Variants in ARHGAP23 observed in about 807,000 individuals in gnomAD.
ARHGAP23 encodes Rho GTPase activating protein 23, also known as rho GTPase-activating protein 23.
ARHGAP23 carries 34 observed loss-of-function variants against 136.3 expected under a neutral mutation model. The ratio of observed to expected loss-of-function variants is 0.25; its 90% CI spans 0.19 to 0.33. The LOEUF (loss-of-function observed/expected upper bound fraction) is 0.33, where lower values mean the gene tolerates loss of function less well. ARHGAP23 is among the 10% of genes least tolerant of loss of function. ARHGAP23 has a pLI of 1.00. For missense variants in ARHGAP23, 1,808 were observed against 2,139.0 expected (o/e 0.85, Z 3.05); for synonymous variants, 832 against 920.5 (o/e 0.90, Z 1.74).
chr17:38,463,020 G>GCTCCTGTCCCCACAGTGTTAGC, intron 4 of ARHGAP23, 79 bp downstream of exon 4: 1 of 1,526,908 alleles, frequency 6.5e-7, no homozygotes, highest in East Asian at 2.5e-5. Context: ...TGTTGGGGAG[G>GCTCCTGTCCCCACAGTGTTAGC]CTCCTGTCCC....
At position 38,438,852 on chromosome 17, in the gene ARHGAP23, A is replaced by G. The variant is rs1019542929; in HGVS notation, c.63+10304A>G. On this transcript the variant is annotated intron_variant, in intron 1 of 23. Transcript: ENST00000622683. The stretch of plus-strand genomic sequence containing the variant: ...TACAAAATTAGCTGGGAGTGGTGGC[A>G]CATACCTGTAATCCCAGCTACTCAG... 3.3e-5 allele frequency among the ~76,000 whole-genome samples: 5 copies of G among 151,970 alleles called. No individual in the cohort carries two copies. The East Asian group carries it at 5.8e-4, about 18-fold the overall frequency.
At chr17:38,428,450 G>C, upstream of ARHGAP23, 1 of 1,395,326 alleles carries the variant, frequency 7.2e-7, no homozygotes, top group South Asian at 1.4e-5. Flanking sequence ...GGCGCCCCCA[G>C]CCGTGCCCCG....
chr17:38,491,630 A>G, intron 20 of ARHGAP23, 98 bp downstream of exon 20: 1 of 1,499,134 alleles, frequency 6.7e-7, no homozygotes, highest in South Asian at 1.3e-5. Flanking sequence ...AGTGTGCCCC[A>G]GGAAGGGCTC....
At chr17:38,454,740 C>T (rs541634002) in intron 1 of ARHGAP23, among the ~76,000 whole-genome samples, 10 of 152,226 alleles carry the variant, frequency 6.6e-5, no homozygotes, top group Middle Eastern at 3.4e-3. Context: ...GCGCCATGCC[C>T]GGCCTGAACA....
At chr17:38,498,943 G>C in intron 22 of ARHGAP23, 2 of 699,642 alleles carry the variant, frequency 2.9e-6, no homozygotes, top group South Asian at 3.0e-5. Context: ...GGACCTGTTG[G>C]AGATTTAAAG....
intron 23 of ARHGAP23, among the ~76,000 whole-genome samples, chr17:38,506,812 T>A (rs181542430): frequency 1.5e-3 from 229 of 152,168 alleles, no homozygotes; most frequent in Non-Finnish European, 2.4e-3. Flanking sequence ...CACGATTTAG[T>A]CCATAGCAGT....
In ARHGAP23 at chr17:38,476,791, T is replaced by TTGTGCAA. The variant is rs139414539; in HGVS notation, c.2119-784_2119-778dup. Reference sequence around the variant, plus strand: ...TTGTTGGGGGAGGCTGTCCTGTGCATTGTGCAATGTTTAGCCGCATCCCTC... The same window carrying TTGTGCAA: ...TTGTTGGGGGAGGCTGTCCTGTGCATTGTGCAATGTGCAATGTTTAGCCGCATCCCTC... On this transcript the variant is annotated intron_variant, in intron 11 of 23. Coordinates refer to ENST00000622683, the MANE Select transcript of ARHGAP23 (RefSeq NM_001199417.2). 7.0e-3 allele frequency among the ~76,000 whole-genome samples: 1,062 copies of TTGTGCAA among 152,268 alleles called. 12 individuals are homozygous for TTGTGCAA. The highest frequency in any genetic ancestry group is 0.024 in the African/African-American group (995 of 41,540).
intron 11 of ARHGAP23, among the ~76,000 whole-genome samples, chr17:38,474,206 C>T (rs1020266137): frequency 5.9e-5 from 9 of 152,208 alleles, no homozygotes; most frequent in African/African-American, 2.2e-4. Context: ...CAGGCGTGAG[C>T]CACCGTGCCC....
At chr17:38,489,861 C>T (rs1034765370) in intron 17 of ARHGAP23, 2 of 515,076 alleles carry the variant, frequency 3.9e-6, no homozygotes, top group East Asian at 3.2e-5. Flanking sequence ...GGTATTGCCT[C>T]CCAAATGAAC....
intron 1 of ARHGAP23, 51 bp downstream of exon 1, chr17:38,428,599 C>A: frequency 1.6e-6 from 2 of 1,261,766 alleles, no homozygotes; most frequent in Non-Finnish European, 2.0e-6. Context: ...TGCTGGGGAG[C>A]GGGCTGCCAA....
At chr17:38,456,141 C>T (rs1272683960) in intron 1 of ARHGAP23, among the ~76,000 whole-genome samples, 1 of 152,146 alleles carries the variant, frequency 6.6e-6, no homozygotes, top group East Asian at 1.9e-4. Flanking sequence ...GGCTCTGTCC[C>T]CTGGGGCTGT....
At chr17:38,497,944 C>T (rs1317839311) in intron 21 of ARHGAP23, 118 bp downstream of exon 21, 3 of 1,069,274 alleles carry the variant, frequency 2.8e-6, no homozygotes, top group Non-Finnish European at 4.2e-6. Flanking sequence ...TTGAGGCTTC[C>T]CTCAAGTCTG....
intron 23 of ARHGAP23, among the ~76,000 whole-genome samples, chr17:38,504,417 G>A (rs1250800363): frequency 6.6e-6 from 1 of 152,234 alleles, no homozygotes; most frequent in Non-Finnish European, 1.5e-5. Context: ...TCCTGTCCCG[G>A]CTGTAAGGAA....
intron 1 of ARHGAP23, 153 bp from the exon 2 acceptor site, chr17:38,457,949 G>A: frequency 1.2e-6 from 1 of 810,202 alleles, no homozygotes; most frequent in Non-Finnish European, 1.9e-6. Flanking sequence ...GAAGGGGTGA[G>A]GAGGAGGTCA....
At chr17:38,428,415 G>C (rs1040666483), upstream of ARHGAP23, 8 of 842,014 alleles carry the variant, frequency 9.5e-6, no homozygotes, top group African/African-American at 7.3e-5. Context: ...CCCGCCCCCG[G>C]CCCCGCCCCT....
At chr17:38,447,551 GA>G (rs1265855625) in intron 1 of ARHGAP23, among the ~76,000 whole-genome samples, 3 of 151,970 alleles carry the variant, frequency 2.0e-5, no homozygotes. Context: ...TGTCCTTAGG[GA>G]GCTCTCAGTC....
chr17:38,496,011 C>A (rs1292419840), intron 20 of ARHGAP23, among the ~76,000 whole-genome samples: 1 of 152,134 alleles, frequency 6.6e-6, no homozygotes, highest in African/African-American at 2.4e-5. Flanking sequence ...AATTCCCCCA[C>A]CTCACCCTCC....
At chr17:38,489,305 T>G (rs2040220990) in intron 17 of ARHGAP23, among the ~76,000 whole-genome samples, 1 of 152,250 alleles carries the variant, frequency 6.6e-6, no homozygotes, top group African/African-American at 2.4e-5. Flanking sequence ...GCTTTTATAA[T>G]TTTCACAGTT....
intron 12 of ARHGAP23, 109 bp downstream of exon 12, chr17:38,478,005 G>A (rs980457120): frequency 1.7e-6 from 2 of 1,177,628 alleles, no homozygotes; most frequent in African/African-American, 3.0e-5. Flanking sequence ...GCTAGAAAGG[G>A]GGGCTGACAG....
Sources: allele counts gnomAD v4.1 joint callset (sites outside exome capture counted in the v4.1 genomes callset), GRCh38; gene constraint gnomAD v4.1.1; transcripts MANE v1.5; gene names NCBI Gene and HGNC (gene_info 2026-07-23, HGNC 2026-07-21).